The following ADGRL2 variants were observed in gnomAD, a reference collection of about 807,000 sequenced individuals.
ADGRL2 encodes the protein adhesion G protein-coupled receptor L2.
In ADGRL2, 44 loss-of-function variants were observed where a neutral mutation model predicts 157.4. That is an observed-to-expected ratio of 0.28 (90% CI 0.22 to 0.36). ADGRL2 has a LOEUF of 0.36. Among genes scored for constraint, ADGRL2 ranks in the 10% least tolerant of loss-of-function variants. The probability of loss-of-function intolerance (pLI) is 1.00; values close to 1 mark genes in which losing one functional copy is unlikely to be tolerated. For missense variants in ADGRL2, 1,510 were observed against 1,768.9 expected (o/e 0.85, Z 2.63); for synonymous variants, 585 against 624.7 (o/e 0.94, Z 0.95).
At chr1:81,494,364 C>T (rs1386075689) in intron 2 of ADGRL2, among the ~76,000 whole-genome samples, 1 of 152,154 alleles carries the variant, frequency 6.6e-6, no homozygotes, top group Admixed American at 6.5e-5. Flanking sequence ...TATCCTTCTT[C>T]TGAAGATGAA....
intron 2 of ADGRL2, among the ~76,000 whole-genome samples, chr1:81,533,505 G>T (rs997661060): frequency 1.3e-5 from 2 of 151,994 alleles, no homozygotes; most frequent in Non-Finnish European, 2.9e-5. Flanking sequence ...CATCATTCTG[G>T]CATAGGAAGA....
At chr1:81,468,621 C>T (rs1410144292) in intron 2 of ADGRL2, among the ~76,000 whole-genome samples, 1 of 152,122 alleles carries the variant, frequency 6.6e-6, no homozygotes, top group South Asian at 2.1e-4. Context: ...CTGATAACCT[C>T]GTAAGTTGTT....
At chr1:81,517,550 G>A (rs1029763735) in intron 2 of ADGRL2, among the ~76,000 whole-genome samples, 1 of 150,380 alleles carries the variant, frequency 6.6e-6, no homozygotes, top group Non-Finnish European at 1.5e-5. Flanking sequence ...ACCAACATAT[G>A]GCTGCTGCCA....
intron 2 of ADGRL2, among the ~76,000 whole-genome samples, chr1:81,533,541 A>G (rs982930576): frequency 6.6e-6 from 1 of 152,188 alleles, no homozygotes; most frequent in Non-Finnish European, 1.5e-5. Flanking sequence ...ATCTTCCCCA[A>G]ATATTTAAAG....
Position 81,600,443 on chromosome 1 carries a change from G to A in ADGRL2, c.-143+19463G>A, listed in dbSNP as rs150575408. On this transcript the variant is annotated intron_variant, in intron 3 of 24. Coordinates refer to the ADGRL2 transcript ENST00000370721. ...AGAAGGGGCAGACAGGCCTAGAGTAGACCCCAGGCCTCTTAGACCTAACTT... is the reference window on the plus strand; with the variant it reads ...AGAAGGGGCAGACAGGCCTAGAGTAAACCCCAGGCCTCTTAGACCTAACTT... 3.8e-3 allele frequency among the ~76,000 whole-genome samples: 583 copies of A among 152,262 alleles called. 4 individuals carry two copies. Among genetic ancestry groups the A allele is most frequent in the African/African-American group, 0.012 (493 of 41,554 alleles).
At chr1:81,846,141 A>G (rs909912666) in intron 2 of ADGRL2, among the ~76,000 whole-genome samples, 4 of 151,908 alleles carry the variant, frequency 2.6e-5, no homozygotes, top group African/African-American at 9.7e-5. Flanking sequence ...TTTAACCAAC[A>G]CAGTAGTTGA....
upstream of ADGRL2, among the ~76,000 whole-genome samples, chr1:81,695,115 G>A (rs185052517): frequency 7.9e-5 from 12 of 152,018 alleles, no homozygotes; most frequent in African/African-American, 2.4e-4. Flanking sequence ...TGATTATTCA[G>A]TCTCTTCTAG....
In ADGRL2 at chr1:81,843,980, G is replaced by A. The variant is rs142523785; in HGVS notation, c.73+6923G>A. ...ATTCACCAGTAGGTCTGTTGTTGGC[G>A]GAAAAAGTATTGCAAACGTGTATGT... On this transcript the variant is annotated intron_variant, in intron 2 of 23. Coordinates refer to ENST00000686636, the MANE Select transcript of ADGRL2 (RefSeq NM_001366006.2). Among the ~76,000 whole-genome samples the A allele has an allele frequency of 2.8e-4, 43 of 151,978 alleles. No homozygotes were observed. The East Asian group carries it at 7.0e-3, about 25-fold the overall frequency.
Position 81,985,295 on chromosome 1 carries a change from AAAC to A in ADGRL2, c.3451_3453del (p.Gln1151del). The A allele has an allele frequency of 1.9e-6, 3 of 1,606,536 alleles. No individual in the cohort carries two copies. Among genetic ancestry groups the A allele is most frequent in the Non-Finnish European group, 2.6e-6 (3 of 1,174,424 alleles). The stretch of plus-strand genomic sequence containing the variant: ...AAGAATGTGGAATGATACTGTGAGA[AAAC>A]AATCAGAATCTTCTTTTATCTCAGG... On this transcript the variant is annotated inframe_deletion, in exon 21 of 24. Coordinates refer to ENST00000686636, the MANE Select transcript of ADGRL2 (RefSeq NM_001366006.2).
intron 2 of ADGRL2, among the ~76,000 whole-genome samples, chr1:81,564,055 C>T (rs2080504420): frequency 6.6e-6 from 1 of 152,166 alleles, no homozygotes. Context: ...CAAATCCACA[C>T]ACAGCCCAGA....
chr1:81,622,048 T>C (rs887008080), intron 3 of ADGRL2, among the ~76,000 whole-genome samples: 56 of 152,202 alleles, frequency 3.7e-4, no homozygotes, highest in African/African-American at 1.3e-3. Context: ...AGCAAATGCA[T>C]CTTAAAAAGT....
chr1:81,592,772 A>G (rs564856344), intron 3 of ADGRL2, among the ~76,000 whole-genome samples: 1 of 152,004 alleles, frequency 6.6e-6, no homozygotes, highest in Non-Finnish European at 1.5e-5. Flanking sequence ...GTATGTGTGT[A>G]GGTGTGGGGA....
intron 1 of ADGRL2, among the ~76,000 whole-genome samples, chr1:81,742,073 T>C (rs899921056): frequency 3.3e-5 from 5 of 151,932 alleles, no homozygotes; most frequent in African/African-American, 1.2e-4. Context: ...GTATGTATTA[T>C]AGTGGGGAAA....
upstream of ADGRL2, chr1:81,800,345 CGCA>C (rs2087844992): frequency 1.3e-5 from 2 of 152,100 alleles, no homozygotes; most frequent in Non-Finnish European, 2.9e-5. Flanking sequence ...GTATCAAAGA[CGCA>C]TTAACCCTGG....
upstream of ADGRL2, among the ~76,000 whole-genome samples, chr1:81,698,147 A>G (rs1014718658): frequency 6.6e-6 from 1 of 152,230 alleles, no homozygotes; most frequent in Admixed American, 6.5e-5. Flanking sequence ...AATAAGGATT[A>G]AATTTATCCT....
At chr1:81,407,838 G>A (rs763491448) in intron 1 of ADGRL2, among the ~76,000 whole-genome samples, 2 of 152,182 alleles carry the variant, frequency 1.3e-5, no homozygotes, top group Non-Finnish European at 2.9e-5. Flanking sequence ...AGGGTTGAAG[G>A]GGGGCTGTTT....
intron 2 of ADGRL2, among the ~76,000 whole-genome samples, chr1:81,839,929 G>GAA (rs145054569): frequency 0.32 from 40,163 of 125,022 alleles, 7,673 homozygotes; most frequent in Middle Eastern, 0.49. Context: ...ATATATGATG[G>GAA]AATATATATA....
intron 1 of ADGRL2, among the ~76,000 whole-genome samples, chr1:81,761,020 T>C (rs2085864110): frequency 6.6e-6 from 1 of 151,920 alleles, no homozygotes; most frequent in African/African-American, 2.4e-5. Context: ...AAAAAGAAGG[T>C]ATTTTCTATG....
intron 3 of ADGRL2, among the ~76,000 whole-genome samples, chr1:81,602,608 C>T (rs999114212): frequency 1.4e-5 from 2 of 145,750 alleles, no homozygotes; most frequent in Non-Finnish European, 3.0e-5. Context: ...ACAAAAAATA[C>T]AAAAATTAGG....
Sources: allele counts gnomAD v4.1 joint callset (sites outside exome capture counted in the v4.1 genomes callset), GRCh38; gene constraint gnomAD v4.1.1; transcripts MANE v1.5; gene names NCBI Gene and HGNC (gene_info 2026-07-23, HGNC 2026-07-21).